The following MTMR8 variants were observed in gnomAD, a reference collection of about 807,000 sequenced individuals.
MTMR8 encodes the protein phosphatidylinositol-3,5-bisphosphate 3-phosphatase MTMR8.
A neutral mutation model predicts 39.3 loss-of-function variants in MTMR8; 65 were observed. The observed-to-expected ratio is 1.65, with a 90% confidence interval of 1.35 to 2.03. MTMR8 has a LOEUF of 2.03. MTMR8 is among the 30% of genes most tolerant of loss of function. The probability of loss-of-function intolerance (pLI) is 0.00; values close to 1 mark genes in which losing one functional copy is unlikely to be tolerated. For missense variants in MTMR8, 777 were observed against 538.9 expected, an observed-to-expected ratio of 1.44 and a Z score of -4.37; for synonymous variants, 245 against 185.2, an observed-to-expected ratio of 1.32 and a Z score of -2.62.
chrX:64,343,884 G>A (rs181890107), intron 7 of MTMR8, among the ~76,000 whole-genome samples, 164 bp from the exon 8 acceptor site: 3 of 111,694 alleles, frequency 2.7e-5, no homozygotes, highest in East Asian at 2.8e-4. Flanking sequence ...TAGGTCTAAA[G>A]CCTACCAGAT....
At chrX:64,392,019 G>A (rs1225139229) in intron 1 of MTMR8, among the ~76,000 whole-genome samples, 1 of 111,704 alleles carries the variant, frequency 9.0e-6, no homozygotes, top group Non-Finnish European at 1.9e-5. Context: ...ATGTAATGAG[G>A]GTAGGGAAAA....
intron 4 of MTMR8, among the ~76,000 whole-genome samples, chrX:64,354,076 T>G (rs778346747): frequency 9.4e-6 from 1 of 106,104 alleles, no homozygotes; most frequent in South Asian, 4.3e-4. Flanking sequence ...AGACAAATAT[T>G]GCATAATCTC....
chrX:64,376,505 C>T (rs1484833847), intron 1 of MTMR8, among the ~76,000 whole-genome samples: 1 of 112,115 alleles, frequency 8.9e-6, no homozygotes, highest in Admixed American at 9.5e-5. Flanking sequence ...ATCTGTGGAA[C>T]TCTGAACTTG....
intron 12 of MTMR8, among the ~76,000 whole-genome samples, chrX:64,285,807 C>A (rs1921148464): frequency 9.0e-6 from 1 of 111,184 alleles, no homozygotes; most frequent in Non-Finnish European, 1.9e-5. Context: ...ACCAGAATCT[C>A]TGGGACACAT....
In MTMR8 at chrX:64,377,718, T is replaced by TA. The variant is rs757141633; in HGVS notation, c.24+17621dup. Among the ~76,000 whole-genome samples the TA allele has an allele frequency of 1.8e-4, 20 of 112,241 alleles. No homozygotes were observed. In the Admixed American group the frequency reaches 1.9e-3, roughly 11 times the overall value. On this transcript the variant is annotated intron_variant, in intron 1 of 13. Transcript: ENST00000374852. ...CTTTTGAATTAATGCTAGAATGAGT[T>TA]AAGACTCTGGGGAACTGTTAAAAAG...
intron 5 of MTMR8, among the ~76,000 whole-genome samples, chrX:64,349,719 A>G (rs1404495163): frequency 5.4e-5 from 6 of 111,992 alleles, no homozygotes; most frequent in Non-Finnish European, 7.5e-5. Context: ...AAATAAACAT[A>G]CTAAAATGAC....
chrX:64,337,733 A>G (rs1422887606), intron 8 of MTMR8, among the ~76,000 whole-genome samples: 1 of 111,856 alleles, frequency 8.9e-6, no homozygotes, highest in Non-Finnish European at 1.9e-5. Flanking sequence ...CACACTCAAA[A>G]ACACAGACAG....
intron 12 of MTMR8, chrX:64,306,063 C>T (rs1922104787): frequency 4.9e-6 from 1 of 206,023 alleles, no homozygotes; most frequent in African/African-American, 3.0e-5. Context: ...GTGCAGTTAG[C>T]TGTGTTTGCG....
chrX:64,373,361 G>C (rs975935623), intron 1 of MTMR8, among the ~76,000 whole-genome samples: 3 of 111,507 alleles, frequency 2.7e-5, no homozygotes, highest in South Asian at 7.6e-4. Context: ...TCTCATGATA[G>C]TGAGTTCTCA....
chrX:64,313,854 G>T (rs1456927994), intron 12 of MTMR8, among the ~76,000 whole-genome samples: 1 of 112,707 alleles, frequency 8.9e-6, no homozygotes, highest in Non-Finnish European at 1.9e-5. Context: ...TTGGAGGAAA[G>T]AAGACACTCT....
chrX:64,285,185 A>C (rs1466559990), intron 12 of MTMR8, among the ~76,000 whole-genome samples: 3 of 111,829 alleles, frequency 2.7e-5, no homozygotes, highest in Non-Finnish European at 3.8e-5. Flanking sequence ...AGTCTCTGAT[A>C]AAACAGACTT....
chrX:64,367,423 G>T (rs1924001200), intron 1 of MTMR8, among the ~76,000 whole-genome samples: 2 of 111,709 alleles, frequency 1.8e-5, no homozygotes, highest in South Asian at 3.7e-4. Context: ...GATCAATTTG[G>T]CTTCATCCCT....
At chrX:64,284,464 A>T (rs1437305478) in intron 12 of MTMR8, among the ~76,000 whole-genome samples, 1 of 111,695 alleles carries the variant, frequency 9.0e-6, no homozygotes, top group Non-Finnish European at 1.9e-5. Context: ...AATTCTGGAA[A>T]TACAGAGAAC....
At position 64,295,904 on chromosome X, in the gene MTMR8, C is replaced by T. The variant is rs892793926; in HGVS notation, c.1482-24831G>A. ...CCACTGTGGAAAACAACTTCGAAGT[C>T]GTTTAAAAAGTTAAATATAAAATTA... On this transcript the variant is annotated intron_variant, in intron 12 of 13. Coordinates refer to ENST00000374852, the MANE Select transcript of MTMR8 (RefSeq NM_017677.4). 2.7e-5 allele frequency among the ~76,000 whole-genome samples: 3 copies of T among 111,666 alleles called. No homozygotes were observed. In the East Asian group the frequency reaches 8.5e-4, roughly 32 times the overall value.
intron 1 of MTMR8, among the ~76,000 whole-genome samples, chrX:64,385,817 C>G (rs578262756): frequency 9.0e-6 from 1 of 111,320 alleles, no homozygotes; most frequent in African/African-American, 3.3e-5. Context: ...CTCACTAGGC[C>G]CCGTCTTCAA....
intron 1 of MTMR8, among the ~76,000 whole-genome samples, chrX:64,391,871 A>G (rs769033119): frequency 8.9e-6 from 1 of 112,398 alleles, no homozygotes; most frequent in Non-Finnish European, 1.9e-5. Context: ...GCCTGGCTCC[A>G]AAGTATGCAC....
At chrX:64,279,631 A>G (rs1233083230) in intron 12 of MTMR8, among the ~76,000 whole-genome samples, 2 of 112,229 alleles carry the variant, frequency 1.8e-5, no homozygotes, top group East Asian at 5.6e-4. Context: ...TGGAAAAAAT[A>G]CATCCTAAAA....
chrX:64,316,308 G>A (rs1054457811), intron 12 of MTMR8, among the ~76,000 whole-genome samples: 17 of 111,926 alleles, frequency 1.5e-4, no homozygotes, highest in Non-Finnish European at 7.5e-5. Context: ...TGACAAACAC[G>A]TTTTATTTCA....
intron 12 of MTMR8, among the ~76,000 whole-genome samples, chrX:64,320,227 A>G (rs1168848100): frequency 9.0e-6 from 1 of 111,035 alleles, no homozygotes; most frequent in Non-Finnish European, 1.9e-5. Flanking sequence ...GTGTACAAGA[A>G]TGCTTGTGAT....
Sources: gnomAD v4.1 joint callset for allele counts (sites outside exome capture counted in the v4.1 genomes callset) on GRCh38, gnomAD v4.1.1 for gene constraint, MANE v1.5 for transcripts, NCBI Gene and HGNC (gene_info 2026-07-23, HGNC 2026-07-21) for gene names.